Variants in STRC observed in about 807,000 individuals in gnomAD.
STRC encodes the protein stereocilin.
Under a neutral mutation model 103.5 loss-of-function variants are expected in STRC, and 43 were observed. The observed-to-expected ratio is 0.42, with a 90% CI of 0.33 to 0.54. The LOEUF (loss-of-function observed/expected upper bound fraction) is 0.54. Among genes scored for constraint, STRC ranks in the 20% least tolerant of loss-of-function variants. The pLI is 0.14. For missense variants in STRC, 499 were observed against 1,088.5 expected (o/e 0.46, Z 7.62); for synonymous variants, 186 against 442.3 (o/e 0.42, Z 7.27).
At chr15:43,606,746 T>C (rs1252683703) in intron 18 of STRC, among the ~76,000 whole-genome samples, 3 of 123,482 alleles carry the variant, frequency 2.4e-5, no homozygotes, top group African/African-American at 9.4e-5. Flanking sequence ...CCTATAAAAA[T>C]ATAAGAATGT....
At chr15:43,600,435 C>T (rs2085655948) in intron 26 of STRC, 99 bp downstream of exon 26, 1 of 1,587,700 alleles carries the variant, frequency 6.3e-7, no homozygotes, top group African/African-American at 1.3e-5. Flanking sequence ...TAAACACCCT[C>T]AGGCCCCCAC....
intron 22 of STRC, 118 bp from the exon 23 acceptor site, chr15:43,603,529 G>C: frequency 9.1e-7 from 1 of 1,104,186 alleles, no homozygotes; most frequent in Non-Finnish European, 1.4e-6. Flanking sequence ...GAGAAATAGG[G>C]ATCAAAGGAG....
intron 26 of STRC, 114 bp from the exon 27 acceptor site, chr15:43,600,407 T>C (rs1431242235): frequency 2.8e-6 from 4 of 1,424,800 alleles, no homozygotes; most frequent in Non-Finnish European, 2.9e-6. Context: ...TTCCCCAATA[T>C]GTCTCTAGCC....
chr15:43,602,368 G>A (rs1266301731), intron 23 of STRC, among the ~76,000 whole-genome samples: 2 of 151,736 alleles, frequency 1.3e-5, no homozygotes, highest in African/African-American at 4.8e-5. Context: ...ATTTTTAGTA[G>A]AGACAGGGTT....
Position 43,604,761 on chromosome 15 carries a change from T to C in STRC, c.4016A>G (p.Gln1339Arg). 6.2e-7 allele frequency: 1 copy of C among 1,613,604 alleles called. No individual in the cohort carries two copies. Among genetic ancestry groups the C allele is most frequent in the Non-Finnish European group, 8.5e-7 (1 of 1,179,706 alleles). The change falls in exon 20 of 29, where the codon CAG becomes CGG. Residue 1339 changes from glutamine (Q) to arginine (R), a missense_variant. Physicochemically the swap from Gln to Arg is conservative, Grantham distance 43 (BLOSUM62 1). Transcript: ENST00000450892. Reference sequence around the variant, plus strand: ...GGACAGCAGGATCTGTAGGGGGATCTGTCGTGTGCTCTCTGTCCCCAGGAA... The same window carrying C: ...GGACAGCAGGATCTGTAGGGGGATCCGTCGTGTGCTCTCTGTCCCCAGGAA... The part of the protein sequence containing the change: ...VGFLGTESTR[Q>R]IPLQILLSHL...
rs727503445 is a variant in STRC, at chr15:43,610,999, G to GTT, written c.3307-17_3307-16dup. 8.1e-5 allele frequency: 104 copies of GTT among 1,279,084 alleles called. 2 individuals are homozygous for GTT. In the South Asian group the frequency reaches 1.1e-3, roughly 14 times the overall value. The allele number at this position is 1,279,084 out of a possible 1,614,324, so 79.2% of individuals were successfully genotyped here. A position where few individuals can be genotyped will look rare whatever the true frequency, so the allele number is the denominator to read the frequency against. On this transcript the variant is annotated splice_polypyrimidine_tract_variant and intron_variant, in intron 13 of 28. Transcript: ENST00000450892. ...CCATCTTTAACCTGCATGAGAATTG[G>GTT]TTGTGTGTGTGTGTGTGTGTGTGTG... is the stretch of plus-strand genomic sequence containing the variant.
intron 18 of STRC, among the ~76,000 whole-genome samples, chr15:43,606,999 CAA>C (rs1366473498): frequency 3.7e-4 from 23 of 62,206 alleles, no homozygotes; most frequent in Admixed American, 9.3e-4. Context: ...AACTCTGTCT[CAA>C]AAAAAAAAAA....
chr15:43,609,523 G>GT (rs2085733955), intron 15 of STRC, 189 bp from the exon 16 acceptor site: 1 of 625,342 alleles, frequency 1.6e-6, no homozygotes, highest in African/African-American at 2.0e-5. Context: ...AAAAGGGAAG[G>GT]AGAAAGAAAA....
At chr15:43,600,449 A>G in intron 26 of STRC, 85 bp downstream of exon 26, 1 of 1,598,818 alleles carries the variant, frequency 6.3e-7, no homozygotes, top group Non-Finnish European at 8.6e-7. Context: ...CCCCCACCTT[A>G]AGAATTGCAG....
intron 23 of STRC, among the ~76,000 whole-genome samples, chr15:43,602,045 G>A (rs1466500979): frequency 1.4e-5 from 2 of 140,494 alleles, no homozygotes; most frequent in East Asian, 2.4e-4. Flanking sequence ...AACCCAGGAT[G>A]TAGAGGTTAC....
chr15:43,600,884 C>A lies in STRC; in HGVS notation c.4832G>T (p.Ser1611Ile). 1 of 1,613,266 alleles carries A rather than the reference C, an allele frequency of 6.2e-7. No individual in the cohort carries two copies. The highest frequency in any genetic ancestry group is 8.5e-7 in the Non-Finnish European group (1 of 1,179,794). ...CTTCACAAATGACCTGAACTCCCAACTGCTGATGTGCTGGAGCTCCTCTGG... is the reference window on the plus strand; with the variant it reads ...CTTCACAAATGACCTGAACTCCCAAATGCTGATGTGCTGGAGCTCCTCTGG... ...LRPEELQHIS[S>I]WEFSQAALFL... is the part of the protein sequence containing the mutation. The change falls in exon 25 of 29, where the codon AGT (serine) becomes ATT (isoleucine). Residue 1611 changes from serine to isoleucine, a missense_variant. Physicochemically the swap from Ser to Ile is moderately radical, Grantham distance 142. Coordinates refer to ENST00000450892, the MANE Select transcript of STRC (RefSeq NM_153700.2).
At chr15:43,605,574 G>T (rs537312617) in intron 18 of STRC, among the ~76,000 whole-genome samples, 175 bp from the exon 19 acceptor site, 3 of 149,330 alleles carry the variant, frequency 2.0e-5, no homozygotes, top group East Asian at 3.9e-4. Context: ...AAGCTTGAGT[G>T]GGGGAGAAAA....
intron 22 of STRC, among the ~76,000 whole-genome samples, 162 bp downstream of exon 22, chr15:43,603,834 C>G (rs2085691837): frequency 6.6e-6 from 1 of 151,998 alleles, no homozygotes; most frequent in Non-Finnish European, 1.5e-5. Context: ...ACTCCCAGAA[C>G]TACAGAATTC....
At position 43,600,866 on chromosome 15, in the gene STRC, A is replaced by G. The variant is rs779901353; in HGVS notation, c.4844+6T>C. 1.9e-6 allele frequency: 3 copies of G among 1,613,504 alleles called. No individual in the cohort carries two copies. Among genetic ancestry groups the G allele is most frequent in the Non-Finnish European group, 2.5e-6 (3 of 1,179,814 alleles). On this transcript the variant is annotated splice_donor_region_variant and intron_variant, in intron 25 of 28. Transcript: ENST00000450892. ...CACCACCACCCTCAGCCCCTTCACA[A>G]ATGACCTGAACTCCCAACTGCTGAT...
chr15:43,604,778 C>T lies in STRC; in HGVS notation c.3999G>A (p.Gly1333=), dbSNP rs1489659725. ...ETLGPLVGFL[G]TESTRQIPLQ... is the part of the protein sequence containing the mutation. ...GGGGGATCTGTCGTGTGCTCTCTGT[C>T]CCCAGGAATCCAACCAAAGGGCCTA... The change falls in exon 20 of 29, where the codon GGG becomes GGA. Residue 1333 remains glycine (G), a synonymous_variant. Coordinates refer to ENST00000450892, the MANE Select transcript of STRC (RefSeq NM_153700.2). The T allele has an allele frequency of 1.2e-6, 2 of 1,613,264 alleles. No individual in the cohort carries two copies. The highest frequency in any genetic ancestry group is 1.7e-6 in the Non-Finnish European group (2 of 1,179,634).
intron 22 of STRC, 89 bp downstream of exon 22, chr15:43,603,907 C>G: frequency 6.3e-7 from 1 of 1,599,168 alleles, no homozygotes; most frequent in East Asian, 2.2e-5. Flanking sequence ...TTAGAAAACC[C>G]AGTCCCAGGG....
Position 43,604,668 on chromosome 15 carries a change from A to T in STRC, c.4109T>A (p.Leu1370Ter). ...TFATELGWLL[L>*]QESVLGKPEL... ...TCCATACCCAAGAACAGACTCCTGC[A>T]ATAGCAGCCATCCCAGCTCTGTGGC... Residue 1370 changes from leucine to a stop codon, truncating the protein, a stop_gained, in exon 20 of 29, where the codon TTG becomes TAG. Transcript: ENST00000450892. LOFTEE classifies it high-confidence loss of function. 2 of 1,613,650 alleles carry T rather than the reference A, an allele frequency of 1.2e-6. No individual in the cohort carries two copies. The highest frequency in any genetic ancestry group is 8.5e-7 in the Non-Finnish European group (1 of 1,179,732).
Position 43,600,645 on chromosome 15 carries a change from A to C in STRC, c.4882T>G (p.Cys1628Gly). ...ALFLGTLHLQ[C>G]SEEQLEVLAH... ...AGAACCTCCAGTTGTTCCTCAGAGC[A>C]CTGGAGATGCAGGGTGCCGAGGAAG... The change falls in exon 26 of 29, where the codon TGC (cysteine) becomes GGC (glycine). Residue 1628 changes from cysteine (C) to glycine (G), a missense_variant. Coordinates refer to ENST00000450892, the MANE Select transcript of STRC (RefSeq NM_153700.2). 3 of 1,613,750 alleles carry C rather than the reference A, an allele frequency of 1.9e-6. No homozygotes were observed. The highest frequency in any genetic ancestry group is 2.5e-6 in the Non-Finnish European group (3 of 1,179,876).
In STRC at chr15:43,601,093, G is replaced by A. The variant is rs1207848642; in HGVS notation, c.4702-79C>T. 6 of 1,109,218 alleles carry A rather than the reference G, an allele frequency of 5.4e-6. No homozygotes were observed. In the East Asian group the frequency reaches 1.6e-4, roughly 29 times the overall value. The allele number at this position is 1,109,218 out of a possible 1,614,324, so 68.7% of individuals were successfully genotyped here. A position where few individuals can be genotyped will look rare whatever the true frequency, so the allele number is the denominator to read the frequency against. ...GGACAGGGAAGTGATAGGTGTTACTGGGTTATATTCTGTTACTATTAAGAC... is the reference window on the plus strand; with the variant it reads ...GGACAGGGAAGTGATAGGTGTTACTAGGTTATATTCTGTTACTATTAAGAC... On this transcript the variant is annotated intron_variant, in intron 24 of 28. Coordinates refer to ENST00000450892, the MANE Select transcript of STRC (RefSeq NM_153700.2).
Sources: gnomAD v4.1 joint callset for allele counts (sites outside exome capture counted in the v4.1 genomes callset) on GRCh38, gnomAD v4.1.1 for gene constraint, MANE v1.5 for transcripts, NCBI Gene and HGNC (gene_info 2026-07-23, HGNC 2026-07-21) for gene names.